The following ANK2 variants were observed in gnomAD, a reference collection of about 807,000 sequenced individuals.
ANK2 encodes ankyrin 2.
ANK2 carries 83 observed loss-of-function variants against 360.5 expected under a neutral mutation model. That is an observed-to-expected ratio of 0.23 (90% CI 0.19 to 0.28). The LOEUF (loss-of-function observed/expected upper bound fraction) is 0.28. Among genes scored for constraint, ANK2 ranks in the 10% least tolerant of loss-of-function variants. The probability of loss-of-function intolerance (pLI) is 1.00; values close to 1 mark genes in which losing one functional copy is unlikely to be tolerated. For missense variants in ANK2, 4,201 were observed against 4,795.7 expected (o/e 0.88, Z 3.66); for synonymous variants, 1,740 against 1,759.5 (o/e 0.99, Z 0.28).
intron 1 of ANK2, chr4:113,152,349 C>T (rs932140354): frequency 6.6e-6 from 1 of 152,064 alleles, no homozygotes; most frequent in Non-Finnish European, 1.5e-5. Context: ...ATTTTGCTTC[C>T]TTCCCACACA....
At chr4:112,867,943 A>G (rs1199274827) in intron 1 of ANK2, among the ~76,000 whole-genome samples, 1 of 152,164 alleles carries the variant, frequency 6.6e-6, no homozygotes, top group Non-Finnish European at 1.5e-5. Context: ...TGGGTCATGT[A>G]GTAACTCTAT....
chr4:113,144,027 A>G (rs1184226831), intron 1 of ANK2, among the ~76,000 whole-genome samples: 4 of 151,962 alleles, frequency 2.6e-5, no homozygotes, highest in African/African-American at 9.7e-5. Flanking sequence ...TTAACATTTA[A>G]AAGGTTTAGA....
intron 2 of ANK2, among the ~76,000 whole-genome samples, chr4:113,009,021 G>T (rs1433300798): frequency 2.0e-5 from 3 of 152,230 alleles, no homozygotes; most frequent in Non-Finnish European, 4.4e-5. Flanking sequence ...TTAAGTTACA[G>T]TACAACACAC....
intron 20 of ANK2, 37 bp downstream of exon 20, chr4:113,288,523 A>C: frequency 6.4e-7 from 1 of 1,563,948 alleles, no homozygotes; most frequent in Non-Finnish European, 8.8e-7. Flanking sequence ...TCCTATAAGC[A>C]AAAAGGTTCA....
At chr4:112,782,391 C>T in the ANK2 span, among the ~76,000 whole-genome samples, 1 of 152,072 alleles carries the variant, frequency 6.6e-6, no homozygotes, top group Non-Finnish European at 1.5e-5. Context: ...GAAATTGAAA[C>T]ATATTTTCAT....
rs1482950074 is a variant in ANK2 at position 113,358,146 on chromosome 4, T to C, written c.9528T>C (p.Asp3176=). 1.2e-6 allele frequency: 2 copies of C among 1,614,070 alleles called. No homozygotes were observed. The highest frequency in any genetic ancestry group is 1.7e-6 in the Non-Finnish European group (2 of 1,179,956). Reference sequence around the variant, plus strand: ...TTTCAGAATCAAAAGAAACAGTGGATGATGAGGCAGACTTACTTCCAGATG... The same window carrying C: ...TTTCAGAATCAAAAGAAACAGTGGACGATGAGGCAGACTTACTTCCAGATG... The part of the protein sequence containing the change: ...LALSESKETV[D]DEADLLPDDV... The change falls in exon 38 of 46, where the codon GAT becomes GAC. Residue 3176 remains aspartate (D), a synonymous_variant. Coordinates refer to ENST00000357077, the MANE Select transcript of ANK2 (RefSeq NM_001148.6).
At chr4:113,021,541 C>CACACATATATATAT (rs1489947974) in intron 2 of ANK2, among the ~76,000 whole-genome samples, 2 of 95,570 alleles carry the variant, frequency 2.1e-5, no homozygotes, top group Admixed American at 1.1e-4. Flanking sequence ...CACACACAAA[C>CACACATATATATAT]ATATATATAT....
At chr4:112,760,097 CTGTT>C in the ANK2 span, among the ~76,000 whole-genome samples, 23 of 152,234 alleles carry the variant, frequency 1.5e-4, no homozygotes, top group East Asian at 3.5e-3. Context: ...CAATGGTTGA[CTGTT>C]TGGTTTCACC....
intron 14 of ANK2, among the ~76,000 whole-genome samples, chr4:113,269,489 C>T (rs2057654688): frequency 6.6e-6 from 1 of 152,254 alleles, no homozygotes; most frequent in South Asian, 2.1e-4. Context: ...CACCATTCCT[C>T]ATGGCACGGT....
At chr4:113,318,484 G>T in intron 25 of ANK2, 33 bp from the exon 26 acceptor site, 1 of 1,530,788 alleles carries the variant, frequency 6.5e-7, no homozygotes. Flanking sequence ...GAAGCAAAGT[G>T]TGTTTATTCA....
chr4:112,761,430 C>G, the ANK2 span, among the ~76,000 whole-genome samples: 1 of 152,022 alleles, frequency 6.6e-6, no homozygotes, highest in Non-Finnish European at 1.5e-5. Context: ...ACCATCCTGG[C>G]TAACACGGTG....
chr4:112,836,805 T>C (rs1418162075), intron 1 of ANK2, among the ~76,000 whole-genome samples: 1 of 152,218 alleles, frequency 6.6e-6, no homozygotes, highest in Non-Finnish European at 1.5e-5. Flanking sequence ...GACCTGGTTT[T>C]TCCTGAAAGT....
chr4:113,132,557 G>A (rs1464866340), intron 1 of ANK2, among the ~76,000 whole-genome samples: 1 of 152,118 alleles, frequency 6.6e-6, no homozygotes, highest in Non-Finnish European at 1.5e-5. Flanking sequence ...GGACCCCGTG[G>A]CATGATGGTA....
intron 2 of ANK2, among the ~76,000 whole-genome samples, chr4:113,030,531 C>T (rs946949814): frequency 1.3e-5 from 2 of 151,916 alleles, no homozygotes; most frequent in African/African-American, 4.8e-5. Flanking sequence ...GAATAAAAAT[C>T]CTATACAGAA....
At chr4:112,915,922 T>A (rs1465197186) in intron 2 of ANK2, among the ~76,000 whole-genome samples, 2 of 152,106 alleles carry the variant, frequency 1.3e-5, no homozygotes, top group East Asian at 3.8e-4. Context: ...ATAACATTTG[T>A]CTTTTATCAC....
chr4:112,851,302 G>A (rs11098178), intron 1 of ANK2, among the ~76,000 whole-genome samples: 108,363 of 152,074 alleles, frequency 0.71, 39,631 homozygotes, highest in East Asian at 0.94. Context: ...AGTGCTTTCC[G>A]TGTCCAGCTT....
At chr4:112,802,491 C>G in the ANK2 span, among the ~76,000 whole-genome samples, 15 of 152,210 alleles carry the variant, frequency 9.9e-5, no homozygotes, top group South Asian at 3.1e-3. Context: ...TTTAAATATG[C>G]AAATTTACAT....
At chr4:112,738,998 G>C in the ANK2 span, 1 of 666,990 alleles carries the variant, frequency 1.5e-6, no homozygotes, top group Non-Finnish European at 2.7e-6. Flanking sequence ...CTGTGCTGAG[G>C]TCGCTCACAA....
rs770041429 is a variant in ANK2 at position 113,381,518 on chromosome 4, C to A, written c.*47C>A. The A allele has an allele frequency of 1.9e-6, 3 of 1,614,002 alleles. No homozygotes were observed. On this transcript the variant is annotated 3_prime_UTR_variant, in exon 46 of 46. Coordinates refer to ENST00000357077, the MANE Select transcript of ANK2 (RefSeq NM_001148.6). ...TGTGGTGAAGGACCAGCATGGAAAACGCATTGACTTGGAGCACCTGGAGGA... is the reference window on the plus strand; with the variant it reads ...TGTGGTGAAGGACCAGCATGGAAAAAGCATTGACTTGGAGCACCTGGAGGA...
Sources: gnomAD v4.1 joint callset for allele counts (sites outside exome capture counted in the v4.1 genomes callset) on GRCh38, gnomAD v4.1.1 for gene constraint, MANE v1.5 for transcripts, NCBI Gene and HGNC (gene_info 2026-07-23, HGNC 2026-07-21) for gene names.